AKR1C3: variants seen among roughly 807,000 people sequenced by gnomAD.
AKR1C3 encodes 3-alpha hydroxysteroid dehydrogenase, type II.
In AKR1C3, 48 loss-of-function variants were observed where a neutral mutation model predicts 43.6. That is an observed-to-expected ratio of 1.10 (90% CI 0.87 to 1.40). AKR1C3 has a LOEUF of 1.40. Ranked by LOEUF, AKR1C3 falls within the 40% of genes most tolerant of loss-of-function variation. The pLI is 0.00. For missense variants in AKR1C3, 482 were observed against 391.2 expected (o/e 1.23, Z -1.96); for synonymous variants, 162 against 139.6 (o/e 1.16, Z -1.13).
chr10:5,076,562 C>T lies in AKR1C3; in HGVS notation c.85-19848C>T, dbSNP rs113246321. On this transcript the variant is annotated intron_variant, in intron 1 of 8. Coordinates refer to the AKR1C3 transcript ENST00000439082. ...TCCAATGTTCAGCTTTTCCTTGATC[C>T]GGCTTCATCTACATTTTTCTTTGCT... Among the ~76,000 whole-genome samples, 5 of 152,212 alleles carry T rather than the reference C, an allele frequency of 3.3e-5. No homozygotes were observed. The South Asian group carries it at 8.3e-4, about 25-fold the overall frequency.
intron 1 of AKR1C3, among the ~76,000 whole-genome samples, chr10:5,067,996 G>T (rs1588337476): frequency 6.6e-6 from 1 of 152,110 alleles, no homozygotes; most frequent in Admixed American, 6.5e-5. Flanking sequence ...TGGGTGATTT[G>T]ACTCAGACCA....
intron 4 of AKR1C3, 80 bp from the exon 5 acceptor site, chr10:5,099,247 G>T (rs1474043661): frequency 1.3e-6 from 2 of 1,587,694 alleles, no homozygotes; most frequent in Admixed American, 3.5e-5. Context: ...GAAAGTTGTT[G>T]CTCTCACAGT....
At chr10:5,099,016 A>T in intron 4 of AKR1C3, 137 bp downstream of exon 4, 3 of 864,090 alleles carry the variant, frequency 3.5e-6, no homozygotes, top group Non-Finnish European at 5.3e-6. Context: ...CTTTGGTGAG[A>T]TGAAGGGAAA....
chr10:5,094,636 C>T, intron 1 of AKR1C3, 108 bp downstream of exon 1: 1 of 1,251,840 alleles, frequency 8.0e-7, no homozygotes, highest in Middle Eastern at 2.0e-4. Context: ...CTGGATGACT[C>T]ACTGGTCTAG....
Position 5,105,577 on chromosome 10 carries a change from G to A in AKR1C3, c.847-18G>A, listed in dbSNP as rs750708796. The A allele has an allele frequency of 6.3e-7, 1 of 1,599,228 alleles. No homozygotes were observed. The highest frequency in any genetic ancestry group is 1.1e-5 in the South Asian group (1 of 89,980). On this transcript the variant is annotated intron_variant, in intron 7 of 8. Transcript: ENST00000380554. ...AACTGGCAATCTAAAAATAATAAAA[G>A]TTTTTTATTTCTGATAGGTTTTTGA...
intron 7 of AKR1C3, among the ~76,000 whole-genome samples, chr10:5,103,379 A>G (rs1381121746): frequency 6.6e-6 from 1 of 151,970 alleles, no homozygotes; most frequent in African/African-American, 2.4e-5. Context: ...TTTTTTAAGT[A>G]TAGGAGACCA....
At chr10:5,087,463 C>G (rs1554783366) in intron 1 of AKR1C3, among the ~76,000 whole-genome samples, 1 of 151,294 alleles carries the variant, frequency 6.6e-6, no homozygotes, top group Non-Finnish European at 1.5e-5. Flanking sequence ...ACCTTGACCT[C>G]CCAGGTTCAA....
chr10:5,098,659 TA>T (rs1173993488), intron 3 of AKR1C3, 142 bp from the exon 4 acceptor site: 1 of 672,488 alleles, frequency 1.5e-6, no homozygotes, highest in Non-Finnish European at 2.6e-6. Context: ...CCTTCATATG[TA>T]AAACACTTAG....
Position 5,102,111 on chromosome 10 carries a change from A to G in AKR1C3, c.581A>G (p.His194Arg). The change falls in exon 6 of 9, where the codon CAT (histidine) becomes CGT (arginine). Residue 194 changes from histidine (H) to arginine (R), a missense_variant. Coordinates refer to ENST00000380554, the MANE Select transcript of AKR1C3 (RefSeq NM_003739.6). Reference sequence around the variant, plus strand: ...TTTGGTCAACTGCAGGTAGAATGTCATCCGTATTTCAACCGGAGTAAATTG... The same window carrying G: ...TTTGGTCAACTGCAGGTAGAATGTCGTCCGTATTTCAACCGGAGTAAATTG... ...YKPVCNQVEC[H>R]PYFNRSKLLD... is the part of the protein sequence containing the mutation. The G allele has an allele frequency of 1.2e-6, 2 of 1,610,802 alleles. No homozygotes were observed. The highest frequency in any genetic ancestry group is 1.1e-5 in the South Asian group (1 of 90,944).
At chr10:5,049,186 T>G (rs1049450277) in intron 1 of AKR1C3, among the ~76,000 whole-genome samples, 1 of 152,220 alleles carries the variant, frequency 6.6e-6, no homozygotes, top group East Asian at 1.9e-4. Flanking sequence ...TGAAAAACAC[T>G]GCCTGCCTGC....
intron 7 of AKR1C3, among the ~76,000 whole-genome samples, chr10:5,104,007 G>T (rs1373396330): frequency 6.6e-6 from 1 of 151,950 alleles, no homozygotes; most frequent in Non-Finnish European, 1.5e-5. Context: ...TATATTCTGG[G>T]TATTAATCGT....
intron 1 of AKR1C3, chr10:5,078,090 A>T: frequency 1.7e-6 from 1 of 597,908 alleles, no homozygotes; most frequent in Non-Finnish European, 2.9e-6. Flanking sequence ...AAAAGGAATG[A>T]TGTCTTTTGT....
intron 1 of AKR1C3, chr10:5,077,733 GA>G (rs552660136): frequency 1.5e-4 from 170 of 1,164,622 alleles, no homozygotes; most frequent in East Asian, 3.6e-4. Context: ...AGAGAAAAAA[GA>G]AAAAAAAAGG....
chr10:5,085,721 G>C (rs1203289560), intron 1 of AKR1C3, among the ~76,000 whole-genome samples: 1 of 151,784 alleles, frequency 6.6e-6, no homozygotes, highest in African/African-American at 2.4e-5. Context: ...TTTTTTGGTT[G>C]GTAAGCTATT....
intron 1 of AKR1C3, among the ~76,000 whole-genome samples, chr10:5,062,166 G>T (rs1289010240): frequency 6.6e-6 from 1 of 152,154 alleles, no homozygotes; most frequent in Non-Finnish European, 1.5e-5. Flanking sequence ...TGAGGACAGT[G>T]GTTTTTGACC....
At chr10:5,094,374 C>T (rs1564367474), upstream of AKR1C3, 6 of 1,548,078 alleles carry the variant, frequency 3.9e-6, no homozygotes, top group South Asian at 3.3e-5. Flanking sequence ...GAGGGGTTTC[C>T]TGCCCATTGT....
chr10:5,078,243 G>A lies in AKR1C3; in HGVS notation c.85-18167G>A, dbSNP rs527520684. On this transcript the variant is annotated intron_variant, in intron 1 of 8. Coordinates refer to the AKR1C3 transcript ENST00000439082. ...GTTCGAGACCAGCCTGGCCAACCTC[G>A]TCTGGCCAGTGAATGGTGGTGAAAC... 5.9e-5 allele frequency among the ~76,000 whole-genome samples: 9 copies of A among 152,286 alleles called. No individual in the cohort carries two copies. In the East Asian group the frequency reaches 9.6e-4, roughly 16 times the overall value.
chr10:5,060,334 A>G (rs535540030), intron 1 of AKR1C3, among the ~76,000 whole-genome samples: 1 of 152,152 alleles, frequency 6.6e-6, no homozygotes, highest in Admixed American at 6.5e-5. Flanking sequence ...TTTTACAGAG[A>G]GCCGATTGGT....
At chr10:5,092,563 C>T (rs1215745790), upstream of AKR1C3, among the ~76,000 whole-genome samples, 1 of 150,868 alleles carries the variant, frequency 6.6e-6, no homozygotes, top group Non-Finnish European at 1.5e-5. Context: ...TCATTCTGCT[C>T]AAATTGCTGT....
Sources: allele counts gnomAD v4.1 joint callset (sites outside exome capture counted in the v4.1 genomes callset), GRCh38; gene constraint gnomAD v4.1.1; transcripts MANE v1.5; gene names NCBI Gene and HGNC (gene_info 2026-07-23, HGNC 2026-07-21).